The following CDKAL1 variants were observed in gnomAD, a reference collection of about 807,000 sequenced individuals.
CDKAL1 encodes threonylcarbamoyladenosine tRNA methylthiotransferase.
A neutral mutation model predicts 68.2 loss-of-function variants in CDKAL1; 32 were observed. The ratio of observed to expected loss-of-function variants is 0.47; its 90% CI spans 0.35 to 0.63. The LOEUF is 0.63. CDKAL1 is among the 30% of genes least tolerant of loss of function. The pLI is 0.00. For missense variants in CDKAL1, 606 were observed against 696.7 expected (o/e 0.87, Z 1.47); for synonymous variants, 234 against 244.3 (o/e 0.96, Z 0.39).
intron 9 of CDKAL1, among the ~76,000 whole-genome samples, chr6:20,895,480 T>C (rs1761632082): frequency 6.6e-6 from 1 of 152,176 alleles, no homozygotes; most frequent in South Asian, 2.1e-4. Context: ...CCCCATACGC[T>C]TGCTCAGCTA....
chr6:20,780,028 T>C (rs1350508254), intron 7 of CDKAL1, among the ~76,000 whole-genome samples: 1 of 150,104 alleles, frequency 6.7e-6, no homozygotes, highest in Non-Finnish European at 1.5e-5. Context: ...ACAGGAGGAC[T>C]GCTTGAGCCC....
At chr6:21,115,871 A>T (rs1774379405) in intron 13 of CDKAL1, among the ~76,000 whole-genome samples, 1 of 152,200 alleles carries the variant, frequency 6.6e-6, no homozygotes, top group African/African-American at 2.4e-5. Flanking sequence ...GCTTTTGTTT[A>T]TTAAAGTATC....
intron 6 of CDKAL1, among the ~76,000 whole-genome samples, chr6:20,753,785 G>A (rs932844829): frequency 1.3e-5 from 2 of 151,946 alleles, no homozygotes; most frequent in African/African-American, 4.8e-5. Flanking sequence ...CATTTTTCTT[G>A]GAGTTATAAC....
chr6:20,717,525 A>C (rs1311847304), intron 5 of CDKAL1, among the ~76,000 whole-genome samples: 1 of 152,052 alleles, frequency 6.6e-6, no homozygotes, highest in African/African-American at 2.4e-5. Context: ...ATGATGGTGT[A>C]ATGAAACAGC....
intron 13 of CDKAL1, among the ~76,000 whole-genome samples, chr6:21,109,949 A>T: frequency 6.6e-6 from 1 of 152,166 alleles, no homozygotes; most frequent in African/African-American, 2.4e-5. Flanking sequence ...TCTTAATGGA[A>T]CCTAGCCATT....
chr6:20,939,031 CTTCA>C (rs1030248782), intron 9 of CDKAL1, among the ~76,000 whole-genome samples: 3 of 152,016 alleles, frequency 2.0e-5, no homozygotes, highest in African/African-American at 7.2e-5. Context: ...TTATTAATTT[CTTCA>C]TTCAGTCAAT....
rs1394146123 is a variant in CDKAL1 at position 20,855,487 on chromosome 6, G to T, written c.742+9309G>T. Among the ~76,000 whole-genome samples the T allele has an allele frequency of 3.0e-5, 4 of 134,962 alleles. No homozygotes were observed. In the East Asian group the frequency reaches 7.0e-4, roughly 24 times the overall value. The allele number at this position is 134,962 out of a possible 152,430, so 88.5% of individuals were successfully genotyped here. On this transcript the variant is annotated intron_variant, in intron 9 of 15. Transcript: ENST00000274695. ...AAAAAAAAAAAGAACTTGCAGACATGTCTTGAAAAGCATAACACCCTGAAG... is the reference window on the plus strand; with the variant it reads ...AAAAAAAAAAAGAACTTGCAGACATTTCTTGAAAAGCATAACACCCTGAAG...
chr6:21,126,656 G>T (rs7750839), intron 13 of CDKAL1, among the ~76,000 whole-genome samples: 1 of 151,878 alleles, frequency 6.6e-6, no homozygotes, highest in Non-Finnish European at 1.5e-5. Context: ...AATTGCAGAC[G>T]TGAGCTTGCC....
intron 10 of CDKAL1, among the ~76,000 whole-genome samples, chr6:20,981,673 C>G (rs1319591509): frequency 6.6e-6 from 1 of 152,174 alleles, no homozygotes; most frequent in African/African-American, 2.4e-5. Flanking sequence ...AACCCCGTCT[C>G]TACTAAAAAT....
chr6:20,774,501 G>T (rs976813431), intron 7 of CDKAL1, among the ~76,000 whole-genome samples: 1 of 152,174 alleles, frequency 6.6e-6, no homozygotes, highest in Admixed American at 6.5e-5. Context: ...AGGCTTTCTA[G>T]TATACATGGG....
At chr6:20,915,451 C>T (rs970068469) in intron 9 of CDKAL1, among the ~76,000 whole-genome samples, 1 of 152,232 alleles carries the variant, frequency 6.6e-6, no homozygotes, top group Non-Finnish European at 1.5e-5. Flanking sequence ...ATTCCTTCCT[C>T]TTCTCTGAAC....
chr6:20,868,442 T>C (rs1308080676), intron 9 of CDKAL1, among the ~76,000 whole-genome samples: 1 of 152,218 alleles, frequency 6.6e-6, no homozygotes, highest in African/African-American at 2.4e-5. Context: ...TGCTCCCCAA[T>C]AGCCATTGTG....
At chr6:20,624,730 T>A (rs938770131) in intron 4 of CDKAL1, among the ~76,000 whole-genome samples, 1 of 152,144 alleles carries the variant, frequency 6.6e-6, no homozygotes, top group African/African-American at 2.4e-5. Flanking sequence ...TCCATGTAGA[T>A]GGCATGCTAC....
chr6:20,800,299 A>G (rs1424948463), intron 8 of CDKAL1, among the ~76,000 whole-genome samples: 1 of 152,254 alleles, frequency 6.6e-6, no homozygotes, highest in Non-Finnish European at 1.5e-5. Context: ...ATGCAAAAGC[A>G]TGGATGAAAC....
chr6:21,181,215 G>A (rs527780433), intron 13 of CDKAL1, among the ~76,000 whole-genome samples: 87 of 152,190 alleles, frequency 5.7e-4, no homozygotes, highest in Non-Finnish European at 9.8e-4. Flanking sequence ...GCTTATGACC[G>A]AATCACCACT....
intron 13 of CDKAL1, among the ~76,000 whole-genome samples, chr6:21,189,811 C>A (rs1778162395): frequency 6.6e-6 from 1 of 152,118 alleles, no homozygotes; most frequent in African/African-American, 2.4e-5. Context: ...TTCTTTAATT[C>A]CAGCTTCTGC....
At chr6:21,112,457 C>G (rs1330095209) in intron 13 of CDKAL1, among the ~76,000 whole-genome samples, 1 of 152,176 alleles carries the variant, frequency 6.6e-6, no homozygotes, top group Non-Finnish European at 1.5e-5. Context: ...CAGGTAGTCA[C>G]TATTTTTCTG....
intron 4 of CDKAL1, among the ~76,000 whole-genome samples, chr6:20,590,906 G>T (rs1435555294): frequency 6.6e-6 from 1 of 152,074 alleles, no homozygotes; most frequent in Non-Finnish European, 1.5e-5. Context: ...GGTATTTCTG[G>T]TTCTAGATCC....
At chr6:21,072,021 G>C (rs1028046216) in intron 12 of CDKAL1, among the ~76,000 whole-genome samples, 8 of 152,330 alleles carry the variant, frequency 5.3e-5, no homozygotes, top group South Asian at 2.1e-4. Context: ...GATACACACA[G>C]CCAGCTTTTG....
Sources: allele counts gnomAD v4.1 joint callset (sites outside exome capture counted in the v4.1 genomes callset), GRCh38; gene constraint gnomAD v4.1.1; transcripts MANE v1.5; gene names NCBI Gene and HGNC (gene_info 2026-07-23, HGNC 2026-07-21).